The following ADCY8 variants were observed in gnomAD, a reference collection of about 807,000 sequenced individuals.
ADCY8 encodes adenylate cyclase type 8.
In ADCY8, 51 loss-of-function variants were observed where a neutral mutation model predicts 119.7. The ratio of observed to expected loss-of-function variants is 0.43; its 90% CI spans 0.34 to 0.54. The LOEUF is 0.54. ADCY8 is among the 20% of genes least tolerant of loss of function. The pLI is 0.03. For missense variants in ADCY8, 1,383 were observed against 1,598.8 expected, an observed-to-expected ratio of 0.87 and a Z score of 2.30; for synonymous variants, 665 against 651.0, an observed-to-expected ratio of 1.02 and a Z score of -0.33.
intron 7 of ADCY8, among the ~76,000 whole-genome samples, chr8:130,900,981 G>T (rs774000611): frequency 2.0e-5 from 3 of 152,080 alleles, no homozygotes; most frequent in African/African-American, 2.4e-5. Flanking sequence ...GCTTATTTTA[G>T]TTGGAAGTTC....
intron 2 of ADCY8, among the ~76,000 whole-genome samples, chr8:130,955,135 C>G (rs1821388328): frequency 6.6e-6 from 1 of 152,084 alleles, no homozygotes; most frequent in South Asian, 2.1e-4. Flanking sequence ...TAGGTAGAGA[C>G]TGACAGGCTC....
rs188481433 is a variant in ADCY8, at chr8:130,961,300, G to A, written c.1111-9302C>T. ...ATTTTTTGTATTTTTAGTAGAGACG[G>A]GGTTTCATCATGCTGGCCAGGCTAG... On this transcript the variant is annotated intron_variant, in intron 2 of 17. Coordinates refer to ENST00000286355, the MANE Select transcript of ADCY8 (RefSeq NM_001115.3). 3.9e-3 allele frequency among the ~76,000 whole-genome samples: 600 copies of A among 152,020 alleles called. 3 individuals carry two copies. The highest frequency in any genetic ancestry group is 0.014 in the African/African-American group (580 of 41,476).
chr8:130,847,465 T>C lies in ADCY8; in HGVS notation c.2461A>G (p.Asn821Asp), dbSNP rs141574722. The C allele has an allele frequency of 1.1e-5, 17 of 1,611,800 alleles. No homozygotes were observed. Among genetic ancestry groups the C allele is most frequent in the Non-Finnish European group, 1.4e-5 (17 of 1,179,500 alleles). The change falls in exon 11 of 18, where the codon AAT becomes GAT. Residue 821 changes from asparagine (N) to aspartate (D), a missense_variant. Coordinates refer to ENST00000286355, the MANE Select transcript of ADCY8 (RefSeq NM_001115.3). ...KSIPLKNLTF[N>D]SSAVFTDICS... The stretch of plus-strand genomic sequence containing the variant: ...ATATCTGTAAACACAGCTGAGGAAT[T>C]GAAAGTCAGGTTCTTCAAGGGTATC...
intron 9 of ADCY8, among the ~76,000 whole-genome samples, chr8:130,866,620 A>G (rs1818133090): frequency 6.6e-6 from 1 of 152,142 alleles, no homozygotes; most frequent in Non-Finnish European, 1.5e-5. Context: ...CTCTCATCTT[A>G]GTGAAATCAA....
Position 131,039,476 on chromosome 8 carries a change from C to T in ADCY8, c.858G>A (p.Pro286=). Residue 286 remains proline, a synonymous_variant, in exon 1 of 18, where the codon CCG becomes CCA. Transcript: ENST00000286355. ...CCAGGATGGCCCAGGTGAGCGGCAG[C>T]GGCAGCATACTGTAGGTGGCGAAGA... is the stretch of plus-strand genomic sequence containing the variant. ...FTLFATYSML[P]LPLTWAILAG... is the part of the protein sequence containing the mutation. 1 of 1,614,088 alleles carries T rather than the reference C, an allele frequency of 6.2e-7. No individual in the cohort carries two copies. The highest frequency in any genetic ancestry group is 1.1e-5 in the South Asian group (1 of 91,086).
At position 131,040,584 on chromosome 8, in the gene ADCY8, C is replaced by T. The variant is rs974927084; in HGVS notation, c.-251G>A. On this transcript the variant is annotated 5_prime_UTR_variant, in exon 1 of 18. Coordinates refer to ENST00000286355, the MANE Select transcript of ADCY8 (RefSeq NM_001115.3). The stretch of plus-strand genomic sequence containing the variant: ...GCTGCTCTCCCGCCAGCCGGCGCAG[C>T]TTGGGTACGCAGCGGCAGTGGCTAT... 10 of 387,108 alleles carry T rather than the reference C, an allele frequency of 2.6e-5. No homozygotes were observed. Among genetic ancestry groups the T allele is most frequent in the Admixed American group, 4.4e-5 (1 of 22,780 alleles). 24.0% of individuals were successfully genotyped at this position (387,108 alleles called of 1,614,324 possible). A position where few individuals can be genotyped will look rare whatever the true frequency, so the allele number is the denominator to read the frequency against.
intron 2 of ADCY8, among the ~76,000 whole-genome samples, chr8:130,981,474 T>G (rs1332530240): frequency 6.6e-6 from 1 of 152,216 alleles, no homozygotes; most frequent in Non-Finnish European, 1.5e-5. Context: ...TAGGCTATAT[T>G]AGGTTTCCAA....
intron 2 of ADCY8, among the ~76,000 whole-genome samples, chr8:130,972,194 C>A (rs987382435): frequency 1.3e-5 from 2 of 152,172 alleles, no homozygotes; most frequent in South Asian, 4.1e-4. Flanking sequence ...AAAACCATTA[C>A]CAACCATACT....
intron 15 of ADCY8, among the ~76,000 whole-genome samples, chr8:130,792,214 T>C (rs1380526316): frequency 6.6e-6 from 1 of 152,134 alleles, no homozygotes; most frequent in African/African-American, 2.4e-5. Flanking sequence ...TTCCCCAACT[T>C]CAGATTTTAC....
chr8:130,811,231 T>C (rs1816155576), intron 14 of ADCY8, among the ~76,000 whole-genome samples: 1 of 152,138 alleles, frequency 6.6e-6, no homozygotes, highest in Non-Finnish European at 1.5e-5. Context: ...GATTACTCAT[T>C]CCCTTGGCTT....
chr8:130,886,884 A>G (rs1212518103), intron 7 of ADCY8, among the ~76,000 whole-genome samples: 1 of 152,144 alleles, frequency 6.6e-6, no homozygotes, highest in Non-Finnish European at 1.5e-5. Context: ...AAGTTTCAAA[A>G]AATAGTTTGG....
chr8:130,858,415 G>C (rs989847532), intron 9 of ADCY8, among the ~76,000 whole-genome samples: 4 of 152,098 alleles, frequency 2.6e-5, no homozygotes, highest in Non-Finnish European at 2.9e-5. Flanking sequence ...GTGTTTTGTA[G>C]ACTGTCCCTC....
At chr8:130,832,967 A>G (rs1816883093) in intron 12 of ADCY8, among the ~76,000 whole-genome samples, 1 of 152,202 alleles carries the variant, frequency 6.6e-6, no homozygotes, top group Non-Finnish European at 1.5e-5. Context: ...TATTCCGTTA[A>G]TGTTGTGTCT....
rs367665360 is a variant in ADCY8, at chr8:130,981,403, GA to G, written c.1110+8989del. Among the ~76,000 whole-genome samples, 270 of 152,238 alleles carry G rather than the reference GA, an allele frequency of 1.8e-3. 1 individual carries two copies. Among genetic ancestry groups the G allele is most frequent in the African/African-American group, 5.6e-3 (232 of 41,520 alleles). On this transcript the variant is annotated intron_variant, in intron 2 of 17. Transcript: ENST00000286355. ...CCTGCTCTATTTTACTGCCACTCTT[GA>G]AAAGTGCCTTCAACTGTATCAAGGC...
In ADCY8 at chr8:130,800,479, G is replaced by T. The variant is rs2130111808; in HGVS notation, c.3007C>A (p.Gln1003Lys). 1 of 1,614,194 alleles carries T rather than the reference G, an allele frequency of 6.2e-7. No individual in the cohort carries two copies. The highest frequency in any genetic ancestry group is 8.5e-7 in the Non-Finnish European group (1 of 1,180,028). The change falls in exon 15 of 18, where the codon CAG (glutamine) becomes AAG (lysine). Residue 1003 changes from glutamine (Q) to lysine (K), a missense_variant. By Grantham distance (53) the Gln-to-Lys change is moderately conservative. Around this residue, in one of 2 missense-constraint regions of ADCY8, gnomAD observed 928 missense variants for 1,163.5 expected, o/e 0.80. Coordinates refer to ENST00000286355, the MANE Select transcript of ADCY8 (RefSeq NM_001115.3). ...AGCAAGCGCAGGCATTCCACTCCCTGGTTATTCATTTCAGTCTGAGAGTAA... is the reference window on the plus strand; with the variant it reads ...AGCAAGCGCAGGCATTCCACTCCCTTGTTATTCATTTCAGTCTGAGAGTAA... ...DFYSQTEMNN[Q>K]GVECLRLLNE...
intron 8 of ADCY8, among the ~76,000 whole-genome samples, chr8:130,876,058 T>C (rs1818551538): frequency 7.0e-6 from 1 of 142,356 alleles, no homozygotes; most frequent in Non-Finnish European, 1.5e-5. Flanking sequence ...GAATTTGATC[T>C]TTTTTTTTTT....
chr8:130,908,071 T>C (rs1000166683), intron 6 of ADCY8, among the ~76,000 whole-genome samples: 3 of 152,240 alleles, frequency 2.0e-5, no homozygotes, highest in Admixed American at 1.3e-4. Flanking sequence ...AAGGACATGA[T>C]GTCATTCCTT....
At chr8:131,026,850 C>T (rs1013952992) in intron 1 of ADCY8, among the ~76,000 whole-genome samples, 2 of 152,186 alleles carry the variant, frequency 1.3e-5, no homozygotes, top group Admixed American at 1.3e-4. Context: ...GATTTAAATA[C>T]TCCATGTGTA....
At chr8:130,997,444 T>A (rs1822815003) in intron 1 of ADCY8, among the ~76,000 whole-genome samples, 1 of 152,142 alleles carries the variant, frequency 6.6e-6, no homozygotes, top group South Asian at 2.1e-4. Flanking sequence ...CATTTGGGGC[T>A]TCTTCCTTCC....
Sources: allele counts gnomAD v4.1 joint callset (sites outside exome capture counted in the v4.1 genomes callset), GRCh38; gene constraint gnomAD v4.1.1; regional missense constraint gnomAD v4.1.1; transcripts MANE v1.5; gene names NCBI Gene and HGNC (gene_info 2026-07-23, HGNC 2026-07-21).